The following KCNJ6 variants were observed in gnomAD, a reference collection of about 807,000 sequenced individuals.
KCNJ6 encodes the protein potassium inwardly rectifying channel subfamily J member 6.
A neutral mutation model predicts 34.2 loss-of-function variants in KCNJ6; 9 were observed. That is an observed-to-expected ratio of 0.26 (90% CI 0.16 to 0.46). The LOEUF (loss-of-function observed/expected upper bound fraction) is 0.46. Among genes scored for constraint, KCNJ6 ranks in the 20% least tolerant of loss-of-function variants. The pLI is 1.00. For missense variants in KCNJ6, 236 were observed against 531.3 expected (o/e 0.44, Z 5.46); for synonymous variants, 196 against 207.1 (o/e 0.95, Z 0.46).
intron 3 of KCNJ6, among the ~76,000 whole-genome samples, chr21:37,638,029 C>A (rs1351483358): frequency 6.6e-6 from 1 of 152,214 alleles, no homozygotes; most frequent in Non-Finnish European, 1.5e-5. Context: ...CAAGTAGGTA[C>A]AATAGGTAGT....
At chr21:37,838,217 T>C (rs1202515787) in intron 2 of KCNJ6, among the ~76,000 whole-genome samples, 1 of 152,240 alleles carries the variant, frequency 6.6e-6, no homozygotes, top group Non-Finnish European at 1.5e-5. Context: ...TTAGAGATAT[T>C]GTTCAGCCAA....
At chr21:37,744,333 G>A (rs1388050643) in intron 2 of KCNJ6, among the ~76,000 whole-genome samples, 1 of 151,656 alleles carries the variant, frequency 6.6e-6, no homozygotes, top group African/African-American at 2.4e-5. Context: ...TAAAAAAAAT[G>A]GATAGTATAG....
At chr21:37,886,299 C>A (rs1010417346) in intron 1 of KCNJ6, among the ~76,000 whole-genome samples, 2 of 152,206 alleles carry the variant, frequency 1.3e-5, no homozygotes, top group African/African-American at 4.8e-5. Flanking sequence ...CTAGAGTATG[C>A]AGCTGCTCAC....
intron 1 of KCNJ6, among the ~76,000 whole-genome samples, chr21:37,884,820 A>G (rs1248265095): frequency 2.0e-5 from 3 of 152,194 alleles, no homozygotes; most frequent in African/African-American, 7.2e-5. Context: ...AAGCTAGGCT[A>G]CTTATGGGTC....
intron 3 of KCNJ6, among the ~76,000 whole-genome samples, chr21:37,646,869 TCA>T (rs1416888425): frequency 6.6e-6 from 1 of 152,058 alleles, no homozygotes; most frequent in African/African-American, 2.4e-5. Context: ...AGACGGGGTT[TCA>T]CACGTGTTAG....
At chr21:37,804,122 G>C (rs563446533) in intron 2 of KCNJ6, among the ~76,000 whole-genome samples, 2 of 152,230 alleles carry the variant, frequency 1.3e-5, no homozygotes, top group South Asian at 4.2e-4. Flanking sequence ...TAGTCACTAG[G>C]GAAGTGCAAA....
chr21:37,636,448 G>A (rs776232078), intron 3 of KCNJ6, among the ~76,000 whole-genome samples: 7 of 152,176 alleles, frequency 4.6e-5, no homozygotes, highest in South Asian at 2.1e-4. Context: ...ATTTCATTCC[G>A]CAGTTTCTCC....
At chr21:37,643,585 G>T (rs2054390961) in intron 3 of KCNJ6, among the ~76,000 whole-genome samples, 1 of 152,184 alleles carries the variant, frequency 6.6e-6, no homozygotes, top group Admixed American at 6.5e-5. Context: ...GTGTGTCAGG[G>T]TCTCTATCTG....
intron 2 of KCNJ6, among the ~76,000 whole-genome samples, chr21:37,742,536 G>T (rs1317137462): frequency 6.6e-6 from 1 of 152,014 alleles, no homozygotes; most frequent in African/African-American, 2.4e-5. Context: ...CTTGTATCCT[G>T]CCAGCAGAGG....
chr21:37,637,797 A>G (rs1469838981), intron 3 of KCNJ6, among the ~76,000 whole-genome samples: 1 of 152,206 alleles, frequency 6.6e-6, no homozygotes, highest in Non-Finnish European at 1.5e-5. Flanking sequence ...AGAGGAAGAG[A>G]CAACAGAGCA....
At chr21:37,760,100 T>A (rs2055052992) in intron 2 of KCNJ6, among the ~76,000 whole-genome samples, 1 of 152,172 alleles carries the variant, frequency 6.6e-6, no homozygotes, top group Admixed American at 6.6e-5. Context: ...AGCCTTCAGA[T>A]AACTGCAGAC....
intron 3 of KCNJ6, among the ~76,000 whole-genome samples, chr21:37,672,926 A>T (rs1054358457): frequency 2.1e-4 from 32 of 152,300 alleles, no homozygotes; most frequent in African/African-American, 7.5e-4. Flanking sequence ...CTACAGGTGC[A>T]TGCTGCTGTG....
At chr21:37,890,363 C>A (rs1485832559) in intron 1 of KCNJ6, among the ~76,000 whole-genome samples, 1 of 152,178 alleles carries the variant, frequency 6.6e-6, no homozygotes, top group Non-Finnish European at 1.5e-5. Flanking sequence ...CCTCCCATGA[C>A]TAGTGGGGAT....
At chr21:37,852,893 A>T (rs915014389) in intron 1 of KCNJ6, among the ~76,000 whole-genome samples, 2 of 152,180 alleles carry the variant, frequency 1.3e-5, no homozygotes, top group Non-Finnish European at 2.9e-5. Context: ...TAAAAAACTC[A>T]ATCGATGGGC....
intron 3 of KCNJ6, among the ~76,000 whole-genome samples, chr21:37,674,822 G>A (rs1185116089): frequency 6.6e-6 from 1 of 152,014 alleles, no homozygotes; most frequent in Non-Finnish European, 1.5e-5. Context: ...GTTTACTCAT[G>A]CTGTGTCCTG....
intron 1 of KCNJ6, among the ~76,000 whole-genome samples, chr21:37,898,259 T>G (rs991349677): frequency 6.6e-6 from 1 of 152,248 alleles, no homozygotes; most frequent in South Asian, 2.1e-4. Context: ...GAAAGTTCTA[T>G]TCCAGGTAGG....
chr21:37,815,563 T>C (rs1248857577), intron 2 of KCNJ6, among the ~76,000 whole-genome samples: 1 of 152,210 alleles, frequency 6.6e-6, no homozygotes, highest in Non-Finnish European at 1.5e-5. Context: ...TGAGCCCCCA[T>C]AGTGGGGTTC....
chr21:37,793,612 GTCTC>G (rs1412854749), intron 2 of KCNJ6, among the ~76,000 whole-genome samples: 1 of 149,978 alleles, frequency 6.7e-6, no homozygotes, highest in Admixed American at 6.6e-5. Context: ...CTAAATGCCA[GTCTC>G]TCTATTAAAC....
intron 2 of KCNJ6, among the ~76,000 whole-genome samples, chr21:37,740,039 T>C (rs2054932761): frequency 6.6e-6 from 1 of 152,174 alleles, no homozygotes; most frequent in South Asian, 2.1e-4. Flanking sequence ...GACTCCAGTG[T>C]GGCTTGTGGA....
Sources: allele counts gnomAD v4.1 joint callset (sites outside exome capture counted in the v4.1 genomes callset), GRCh38; gene constraint gnomAD v4.1.1; transcripts MANE v1.5; gene names NCBI Gene and HGNC (gene_info 2026-07-23, HGNC 2026-07-21).